HEPH: variants seen among roughly 807,000 people sequenced by gnomAD.
HEPH encodes the protein hephaestin.
In HEPH, 69 loss-of-function variants were observed where a neutral mutation model predicts 80.8. The observed-to-expected ratio is 0.85, with a 90% CI of 0.70 to 1.04. HEPH has a LOEUF of 1.04. Ranked by LOEUF, HEPH falls within the 50% of genes least tolerant of loss-of-function variation. The pLI, the probability that HEPH is intolerant of heterozygous loss-of-function variation, is 0.00. For synonymous variants in HEPH, 431 were observed against 322.8 expected, an observed-to-expected ratio of 1.34 and a Z score of -3.60; for missense variants, 1,115 against 891.3, an observed-to-expected ratio of 1.25 and a Z score of -3.20.
intron 15 of HEPH, among the ~76,000 whole-genome samples, chrX:66,216,239 G>T (rs2089388060): frequency 8.9e-6 from 1 of 111,784 alleles, no homozygotes; most frequent in African/African-American, 3.3e-5. Context: ...TGCAGCTGAT[G>T]TGTTCTTGAA....
At chrX:66,232,762 A>G (rs1457459214) in intron 15 of HEPH, among the ~76,000 whole-genome samples, 1 of 111,471 alleles carries the variant, frequency 9.0e-6, no homozygotes, top group Non-Finnish European at 1.9e-5. Flanking sequence ...GCACCAAAAT[A>G]CATAAAATCA....
At chrX:66,192,481 T>C (rs1196547889) in intron 7 of HEPH, among the ~76,000 whole-genome samples, 183 bp downstream of exon 7, 1 of 111,691 alleles carries the variant, frequency 9.0e-6, no homozygotes, top group Non-Finnish European at 1.9e-5. Context: ...CTTGGGGAGA[T>C]ACAGGTAGCA....
chrX:66,208,144 A>T lies in HEPH; in HGVS notation c.2461A>T (p.Ile821Phe), dbSNP rs138605074. Residue 821 changes from isoleucine (I) to phenylalanine (F), a missense_variant, in exon 15 of 21, where the codon ATC becomes TTC. Around this residue, in one of 3 missense-constraint regions of HEPH, gnomAD observed 716 missense variants for 523.5 expected, o/e 1.37. Coordinates refer to ENST00000343002, the MANE Select transcript of HEPH (RefSeq NM_001367233.3). Reference protein sequence around the residue: ...GPLIKGEVGDILTVVFKNNAS... With the variant: ...GPLIKGEVGDFLTVVFKNNAS... ...ACTTATCAAAGGTGAAGTTGGTGATATCCTGACTGTGGTATTCAAGAATAA... is the reference window on the plus strand; with the variant it reads ...ACTTATCAAAGGTGAAGTTGGTGATTTCCTGACTGTGGTATTCAAGAATAA... 5.0e-6 allele frequency: 6 copies of T among 1,197,387 alleles called. No homozygotes were observed. In the African/African-American group the frequency reaches 7.1e-5, roughly 14 times the overall value.
chrX:66,260,391 A>G (rs1424916000), intron 19 of HEPH, 129 bp downstream of exon 19: 9 of 486,453 alleles, frequency 1.9e-5, no homozygotes, highest in Non-Finnish European at 3.1e-5. Context: ...AAGGCAGAGC[A>G]TAGCCTCCCT....
intron 8 of HEPH, among the ~76,000 whole-genome samples, chrX:66,194,154 T>C (rs995187734): frequency 3.6e-5 from 4 of 111,434 alleles, no homozygotes; most frequent in African/African-American, 9.8e-5. Context: ...TTTAGTAGCA[T>C]GATGGAACCA....
At chrX:66,210,514 A>G (rs2089055784) in intron 15 of HEPH, among the ~76,000 whole-genome samples, 1 of 111,327 alleles carries the variant, frequency 9.0e-6, no homozygotes, top group Admixed American at 9.6e-5. Flanking sequence ...TGGATAAATC[A>G]TCCACATGCA....
chrX:66,268,025 G>C (rs1378318508), downstream of HEPH: 1 of 111,567 alleles, frequency 9.0e-6, no homozygotes, highest in Non-Finnish European at 1.9e-5. Context: ...GATTACCTCA[G>C]GGCAAGTCAT....
chrX:66,239,053 C>G lies in HEPH; in HGVS notation c.2564-15982C>G, dbSNP rs945738401. Among the ~76,000 whole-genome samples, 6 of 112,281 alleles carry G rather than the reference C, an allele frequency of 5.3e-5. No homozygotes were observed. In the Admixed American group the frequency reaches 5.6e-4, roughly 11 times the overall value. On this transcript the variant is annotated intron_variant, in intron 15 of 20. Transcript: ENST00000343002. ...TCATTCCAGTAAACCCACAACCTTCCAATGTGGGTGTTATGGCCATCATGA... is the reference window on the plus strand; with the variant it reads ...TCATTCCAGTAAACCCACAACCTTCGAATGTGGGTGTTATGGCCATCATGA...
At chrX:66,251,388 C>T (rs1026709857) in intron 15 of HEPH, among the ~76,000 whole-genome samples, 1 of 111,954 alleles carries the variant, frequency 8.9e-6, no homozygotes, top group African/African-American at 3.2e-5. Context: ...TTTTTAAAGG[C>T]CATTGTGACA....
At chrX:66,224,561 A>AT (rs896273510) in intron 15 of HEPH, among the ~76,000 whole-genome samples, 12 of 111,996 alleles carry the variant, frequency 1.1e-4, no homozygotes, top group Admixed American at 1.9e-4. Flanking sequence ...TCTAAAAGTT[A>AT]TTTTTTTACT....
chrX:66,245,575 A>T (rs746670198), intron 15 of HEPH, among the ~76,000 whole-genome samples: 1 of 111,244 alleles, frequency 9.0e-6, no homozygotes, highest in South Asian at 3.9e-4. Flanking sequence ...GATCAACGAG[A>T]CAGAAAGTTA....
intron 13 of HEPH, 92 bp downstream of exon 13, chrX:66,203,669 A>T: frequency 1.3e-6 from 1 of 765,450 alleles, no homozygotes; most frequent in Non-Finnish European, 1.9e-6. Context: ...CTCTTATCTC[A>T]GGTCTCCTAA....
chrX:66,204,588 C>T (rs776112971), intron 13 of HEPH, among the ~76,000 whole-genome samples: 21 of 112,210 alleles, frequency 1.9e-4, no homozygotes, highest in Admixed American at 3.8e-4. Context: ...CTGGGCTGGA[C>T]ATTTTTTTGA....
At position 66,267,134 on chromosome X, in the gene HEPH, TG is replaced by T. The variant is rs779037274; in HGVS notation, c.*463del. ...AAACTAAAGGCTAAGAATATAGGCT[TG>T]ATGGGAAATTGAAGGTAGGCTGAGT... On this transcript the variant is annotated 3_prime_UTR_variant, in exon 21 of 21. Transcript: ENST00000343002. The T allele has an allele frequency of 8.5e-6, 1 of 118,156 alleles. No homozygotes were observed. The highest frequency in any genetic ancestry group is 2.6e-4 in the East Asian group (1 of 3,805). 9.7% of individuals were successfully genotyped at this position (118,156 alleles called of 1,213,427 possible).
chrX:66,172,423 A>G lies in HEPH; in HGVS notation c.236A>G (p.Lys79Arg). 1 of 1,208,521 alleles carries G rather than the reference A, an allele frequency of 8.3e-7. No individual in the cohort carries two copies. The highest frequency in any genetic ancestry group is 1.1e-6 in the Non-Finnish European group (1 of 893,594). ...IGGTYKKTIY[K>R]EYKDDSYTDE... ...GGAACCTACAAGAAGACCATCTATA[A>G]AGAATACAAGGATGACTCATACACA... Residue 79 changes from lysine to arginine, a missense_variant, in exon 3 of 21, where the codon AAA becomes AGA. By Grantham distance (26) the Lys-to-Arg change is conservative. Transcript: ENST00000343002.
intron 15 of HEPH, among the ~76,000 whole-genome samples, chrX:66,208,914 C>A (rs1362046568): frequency 9.2e-6 from 1 of 108,510 alleles, no homozygotes; most frequent in African/African-American, 3.3e-5. Context: ...AAATAAAGTT[C>A]TTGTACCCTT....
intron 15 of HEPH, among the ~76,000 whole-genome samples, chrX:66,243,377 G>C (rs910243755): frequency 8.9e-6 from 1 of 112,321 alleles, no homozygotes; most frequent in Non-Finnish European, 1.9e-5. Flanking sequence ...CAAAAAGCTA[G>C]TTAGGTATTT....
chrX:66,247,729 T>A (rs2090865464), intron 15 of HEPH, among the ~76,000 whole-genome samples: 1 of 111,468 alleles, frequency 9.0e-6, no homozygotes, highest in African/African-American at 3.3e-5. Context: ...CAACAACTTT[T>A]CTCAAGGCTT....
At chrX:66,169,247 A>G (rs1455809769) in intron 1 of HEPH, among the ~76,000 whole-genome samples, 3 of 112,187 alleles carry the variant, frequency 2.7e-5, no homozygotes, top group Non-Finnish European at 5.6e-5. Flanking sequence ...GAACAGATGT[A>G]CCATGCACAT....
Sources: allele counts gnomAD v4.1 joint callset (sites outside exome capture counted in the v4.1 genomes callset), GRCh38; gene constraint gnomAD v4.1.1; regional missense constraint gnomAD v4.1.1; transcripts MANE v1.5; gene names NCBI Gene and HGNC (gene_info 2026-07-23, HGNC 2026-07-21).